Variants in MTHFS observed in about 807,000 individuals in gnomAD.
The protein encoded by MTHFS is methenyltetrahydrofolate synthetase.
In MTHFS, 7 loss-of-function variants were observed where a neutral mutation model predicts 12.7. That is an observed-to-expected ratio of 0.55 (90% confidence interval 0.31 to 1.03). The LOEUF is 1.03. MTHFS is among the 50% of genes least tolerant of loss of function. The probability of loss-of-function intolerance (pLI) is 0.05; values close to 1 mark genes in which losing one functional copy is unlikely to be tolerated. For missense variants in MTHFS, 252 were observed against 258.1 expected (o/e 0.98, Z 0.16); for synonymous variants, 100 against 97.1 (o/e 1.03, Z -0.18).
chr15:79,887,218 C>CT (rs1253634141), intron 2 of MTHFS, among the ~76,000 whole-genome samples: 1 of 152,008 alleles, frequency 6.6e-6, no homozygotes, highest in African/African-American at 2.4e-5. Context: ...GAGTGAAACT[C>CT]TGTCTCAAAA....
In MTHFS at chr15:79,897,000, G is replaced by A. The variant is rs942294239; in HGVS notation, c.-12C>T. 52 of 1,524,222 alleles carry A rather than the reference G, an allele frequency of 3.4e-5. No homozygotes were observed. Among genetic ancestry groups the A allele is most frequent in the African/African-American group, 5.6e-5 (4 of 71,088 alleles). 94.4% of individuals were successfully genotyped at this position (1,524,222 alleles called of 1,614,324 possible). A position where few individuals can be genotyped will look rare whatever the true frequency, so the allele number is the denominator to read the frequency against. ...GCTGCCGCCGCCATCTCACGCCCAA[G>A]CCGAGTCCAGTCCCGCCCTCGGCGC... On this transcript the variant is annotated 5_prime_UTR_variant, in exon 1 of 3. Coordinates refer to ENST00000258874, the MANE Select transcript of MTHFS (RefSeq NM_006441.4).
intron 2 of MTHFS, among the ~76,000 whole-genome samples, chr15:79,880,824 TACA>T: frequency 6.7e-6 from 1 of 150,102 alleles, no homozygotes; most frequent in African/African-American, 2.4e-5. Flanking sequence ...ACTTTTAAAC[TACA>T]TATATAGGAT....
At chr15:79,845,592 C>T in intron 2 of MTHFS, 150 bp from the exon 3 acceptor site, 1 of 1,134,550 alleles carries the variant, frequency 8.8e-7, no homozygotes, top group South Asian at 1.6e-5. Context: ...CAGAGTTGGA[C>T]AAAAAAGGAA....
chr15:79,876,159 T>A (rs996852986), intron 2 of MTHFS: 4 of 151,680 alleles, frequency 2.6e-5, no homozygotes, highest in African/African-American at 9.7e-5. Context: ...ACAAAAAAAA[T>A]ATAGGATATG....
chr15:79,857,327 A>G (rs1172020326), intron 2 of MTHFS, among the ~76,000 whole-genome samples: 1 of 152,098 alleles, frequency 6.6e-6, no homozygotes, highest in African/African-American at 2.4e-5. Context: ...ATTGCACAGT[A>G]TGATTTCCAA....
intron 2 of MTHFS, among the ~76,000 whole-genome samples, chr15:79,847,669 CAAAAAAAAAAAAA>C: frequency 1.3e-5 from 1 of 75,388 alleles, no homozygotes; most frequent in East Asian, 3.6e-4. Context: ...GACTCCGTCT[CAAAAAAAAAAAAA>C]AAAAAAAAGA....
At chr15:79,850,242 T>C (rs867305761) in intron 2 of MTHFS, among the ~76,000 whole-genome samples, 2 of 152,238 alleles carry the variant, frequency 1.3e-5, no homozygotes, top group African/African-American at 4.8e-5. Flanking sequence ...GTTTCTCCAA[T>C]ATTTCAAGTA....
At chr15:79,873,309 T>G (rs1037888000) in intron 2 of MTHFS, among the ~76,000 whole-genome samples, 1 of 152,170 alleles carries the variant, frequency 6.6e-6, no homozygotes, top group African/African-American at 2.4e-5. Context: ...TTTTTTCTGA[T>G]CTATAAAATA....
intron 2 of MTHFS, among the ~76,000 whole-genome samples, chr15:79,888,148 C>G (rs1246768143): frequency 6.6e-6 from 1 of 152,116 alleles, no homozygotes; most frequent in Non-Finnish European, 1.5e-5. Flanking sequence ...TTACCTGTTT[C>G]ATAATGATAA....
chr15:79,864,544 C>CA (rs1566990932), intron 2 of MTHFS, among the ~76,000 whole-genome samples: 41 of 23,724 alleles, frequency 1.7e-3, no homozygotes, highest in African/African-American at 7.5e-3. Context: ...GACTCCATCT[C>CA]AACAAAAAAA....
chr15:79,847,466 T>C (rs1421188867), intron 2 of MTHFS, among the ~76,000 whole-genome samples: 1 of 151,880 alleles, frequency 6.6e-6, no homozygotes, highest in East Asian at 1.9e-4. Context: ...GGGCGGATCA[T>C]GAGGTCAGAA....
intron 2 of MTHFS, among the ~76,000 whole-genome samples, chr15:79,852,601 T>C (rs752059497): frequency 8.5e-5 from 13 of 152,186 alleles, no homozygotes; most frequent in Non-Finnish European, 1.0e-4. Flanking sequence ...CCACCATAAT[T>C]GATCACTTCT....
intron 2 of MTHFS, chr15:79,877,914 C>T (rs985206251): frequency 6.6e-6 from 1 of 151,774 alleles, no homozygotes; most frequent in East Asian, 1.9e-4. Flanking sequence ...TCAGCAAAAC[C>T]CTTTCAAAAA....
intron 2 of MTHFS, among the ~76,000 whole-genome samples, chr15:79,854,561 A>T (rs1212266577): frequency 6.6e-6 from 1 of 152,216 alleles, no homozygotes; most frequent in East Asian, 1.9e-4. Flanking sequence ...AAAGACCAAA[A>T]TATGGTTATT....
chr15:79,844,532 A>C lies in MTHFS; in HGVS notation c.*678T>G, dbSNP rs2033575158. 6.6e-6 allele frequency among the ~76,000 whole-genome samples: 1 copy of C among 152,164 alleles called. No individual in the cohort carries two copies. Among genetic ancestry groups the C allele is most frequent in the Non-Finnish European group, 1.5e-5 (1 of 68,014 alleles). ...AACTCACAGCAAATTTCATTTCCAA[A>C]GCAGAAACCATGAGTAAACAGAAAT... On this transcript the variant is annotated 3_prime_UTR_variant, in exon 3 of 3. Transcript: ENST00000258874.
intron 2 of MTHFS, among the ~76,000 whole-genome samples, chr15:79,884,404 T>G (rs1170348366): frequency 6.6e-6 from 1 of 152,190 alleles, no homozygotes; most frequent in Non-Finnish European, 1.5e-5. Context: ...CAGGAACCAT[T>G]GTTTGCCCAG....
At chr15:79,895,125 A>C (rs1380129461) in intron 1 of MTHFS, among the ~76,000 whole-genome samples, 1 of 152,214 alleles carries the variant, frequency 6.6e-6, no homozygotes, top group African/African-American at 2.4e-5. Context: ...AAAGGTTCTG[A>C]GAGATTATGA....
At chr15:79,851,239 C>T (rs905599540) in intron 2 of MTHFS, among the ~76,000 whole-genome samples, 1 of 152,148 alleles carries the variant, frequency 6.6e-6, no homozygotes, top group African/African-American at 2.4e-5. Flanking sequence ...GTGTGACCAG[C>T]TCTTATCCTA....
chr15:79,871,070 G>A (rs564702137), intron 2 of MTHFS, among the ~76,000 whole-genome samples: 17 of 152,266 alleles, frequency 1.1e-4, no homozygotes, highest in African/African-American at 4.1e-4. Context: ...TTGAACCTGG[G>A]AGGTGGAAGT....
Sources: allele counts gnomAD v4.1 joint callset (sites outside exome capture counted in the v4.1 genomes callset), GRCh38; gene constraint gnomAD v4.1.1; transcripts MANE v1.5; gene names NCBI Gene and HGNC (gene_info 2026-07-23, HGNC 2026-07-21).